ARFGAP1: variants seen among roughly 807,000 people sequenced by gnomAD.
The protein encoded by ARFGAP1 is ARF GTPase activating protein 1.
A neutral mutation model predicts 54.0 loss-of-function variants in ARFGAP1; 26 were observed. The observed-to-expected ratio is 0.48, with a 90% CI of 0.35 to 0.67. The LOEUF (loss-of-function observed/expected upper bound fraction) is 0.67, where lower values mean the gene tolerates loss of function less well. Ranked by LOEUF, ARFGAP1 falls within the 30% of genes least tolerant of loss-of-function variation. ARFGAP1 has a pLI of 0.00. For synonymous variants in ARFGAP1, 248 were observed against 211.9 expected, an observed-to-expected ratio of 1.17 and a Z score of -1.48; for missense variants, 525 against 535.8, an observed-to-expected ratio of 0.98 and a Z score of 0.20.
chr20:63,286,065 C>A (rs994528295), intron 11 of ARFGAP1: 2 of 1,549,614 alleles, frequency 1.3e-6, no homozygotes, highest in African/African-American at 1.4e-5. Context: ...TGGCATGAGG[C>A]GCTCTGCGGA....
chr20:63,275,664 C>G (rs200007336), intron 2 of ARFGAP1, 24 bp downstream of exon 2: 20 of 1,608,832 alleles, frequency 1.2e-5, no homozygotes, highest in Admixed American at 5.0e-5. Context: ...CCCCACCCCC[C>G]GCCCTAAGGC....
In ARFGAP1 at chr20:63,282,940, C is replaced by T. The variant is rs1454990021; in HGVS notation, c.717+89C>T. 5 of 1,425,508 alleles carry T rather than the reference C, an allele frequency of 3.5e-6. No individual in the cohort carries two copies. The East Asian group carries it at 1.1e-4, about 32-fold the overall frequency. 88.3% of individuals were successfully genotyped at this position (1,425,508 alleles called of 1,614,324 possible). ...GCAGCACCTGAAGCTGCCTGGTTCC[C>T]TCTTCTCAGGCCACATGCTCAGAGC... is the stretch of plus-strand genomic sequence containing the variant. On this transcript the variant is annotated intron_variant, in intron 9 of 12. Coordinates refer to ENST00000370283, the MANE Select transcript of ARFGAP1 (RefSeq NM_018209.4).
Position 63,286,404 on chromosome 20 carries a change from C to T in ARFGAP1, c.873C>T (p.Thr291=), listed in dbSNP as rs2067548418. ...GVGSKGWRDV[T]TFFSGKAEGP... ...GTAGTAAGGGATGGCGGGACGTCAC[C>T]ACCTTTTTTTCGGGGAAAGCAGAGG... The change falls in exon 12 of 13, where the codon ACC becomes ACT. Residue 291 remains threonine, a synonymous_variant. Transcript: ENST00000370283. 2.5e-6 allele frequency: 4 copies of T among 1,613,520 alleles called. No homozygotes were observed. Among genetic ancestry groups the T allele is most frequent in the Non-Finnish European group, 3.4e-6 (4 of 1,179,992 alleles).
Position 63,276,777 on chromosome 20 carries a change from C to A in ARFGAP1, c.342+126C>A. 1 of 1,143,908 alleles carries A rather than the reference C, an allele frequency of 8.7e-7. No individual in the cohort carries two copies. The highest frequency in any genetic ancestry group is 1.2e-6 in the Non-Finnish European group (1 of 829,586). The allele number at this position is 1,143,908 out of a possible 1,614,324, so 70.9% of individuals were successfully genotyped here. A position where few individuals can be genotyped will look rare whatever the true frequency, so the allele number is the denominator to read the frequency against. On this transcript the variant is annotated intron_variant, in intron 4 of 12. Coordinates refer to ENST00000370283, the MANE Select transcript of ARFGAP1 (RefSeq NM_018209.4). The surrounding 1 kb of genome is among the most constrained non-coding windows in gnomAD (Gnocchi z 5.2). ...TGCTGGTTCTGACACACCCACTGGG[C>A]CACACACAACTTGCCGCCCTGGAGC...
Position 63,286,442 on chromosome 20 carries a change from G to C in ARFGAP1, c.911G>C (p.Ser304Thr). 6.2e-7 allele frequency: 1 copy of C among 1,613,134 alleles called. No homozygotes were observed. The highest frequency in any genetic ancestry group is 8.5e-7 in the Non-Finnish European group (1 of 1,179,840). Residue 304 changes from serine (S) to threonine (T), a missense_variant and splice_region_variant, in exon 12 of 13, where the codon AGC becomes ACC. Around this residue, in one of 3 missense-constraint regions of ARFGAP1, gnomAD observed 466 missense variants for 453.6 expected, o/e 1.03. Transcript: ENST00000370283. ...GGGAAAGCAGAGGGCCCCTTGGACA[G>C]GTATGCTGTGTCCCCTCCTGGGCCT... ...FSGKAEGPLD[S>T]PSEGHSYQNS...
At chr20:63,285,380 C>T (rs1350577877) in intron 10 of ARFGAP1, 2 of 547,912 alleles carry the variant, frequency 3.7e-6, no homozygotes, top group Non-Finnish European at 6.6e-6. Context: ...GAAGACCCAC[C>T]TGGGGCAGCG....
chr20:63,274,801 A>G (rs1462617113), intron 1 of ARFGAP1, among the ~76,000 whole-genome samples: 2 of 152,160 alleles, frequency 1.3e-5, no homozygotes, highest in African/African-American at 4.8e-5. Context: ...CTGGTCCTGA[A>G]TTAGATGGGC....
chr20:63,281,592 G>A (rs2067381764), intron 8 of ARFGAP1, among the ~76,000 whole-genome samples: 1 of 152,156 alleles, frequency 6.6e-6, no homozygotes, highest in Non-Finnish European at 1.5e-5. Flanking sequence ...GCTGGCAAAG[G>A]GGTCCCGCCC....
chr20:63,285,064 C>T (rs956889580), intron 10 of ARFGAP1, 142 bp downstream of exon 10: 42 of 1,029,394 alleles, frequency 4.1e-5, no homozygotes, highest in East Asian at 1.1e-4. Context: ...CCAGCACAGG[C>T]GTCCTCCTCG....
chr20:63,283,507 G>C (rs1033660232), intron 9 of ARFGAP1: 3 of 343,734 alleles, frequency 8.7e-6, no homozygotes, highest in South Asian at 5.0e-5. Context: ...CCCTGGGCGA[G>C]GGTGTCCTTT....
chr20:63,284,103 C>T (rs1042227321), intron 9 of ARFGAP1: 7 of 1,328,904 alleles, frequency 5.3e-6, no homozygotes, highest in Non-Finnish European at 6.7e-6. Context: ...CACTGCGCTC[C>T]CCCCGGGCAA....
intron 9 of ARFGAP1, 150 bp downstream of exon 9, chr20:63,283,001 A>G: frequency 4.7e-6 from 4 of 844,218 alleles, no homozygotes; most frequent in Admixed American, 2.1e-5. Flanking sequence ...TGTTCCTGCC[A>G]TGCTGTTCCC....
intron 8 of ARFGAP1, 66 bp downstream of exon 8, chr20:63,281,413 C>G: frequency 6.6e-7 from 1 of 1,521,102 alleles, no homozygotes; most frequent in Non-Finnish European, 8.9e-7. Flanking sequence ...TGCTGCTGGC[C>G]TGGGGTTCTG....
intron 2 of ARFGAP1, 137 bp from the exon 3 acceptor site, chr20:63,275,954 A>G: frequency 1.3e-6 from 1 of 740,864 alleles, no homozygotes. Flanking sequence ...CTTTCCCCTC[A>G]CGCCTTGCCC....
Position 63,288,086 on chromosome 20 carries a change from T to G in ARFGAP1, c.*213T>G, listed in dbSNP as rs1443632051. ...GGGGCGGCTTGCTGTCCAGCCTGTG[T>G]GGGGGCCGTCCCGTCCCACACTCCC... On this transcript the variant is annotated 3_prime_UTR_variant, in exon 13 of 13. Coordinates refer to ENST00000370283, the MANE Select transcript of ARFGAP1 (RefSeq NM_018209.4). 2.2e-5 allele frequency: 14 copies of G among 630,510 alleles called. No individual in the cohort carries two copies. Among genetic ancestry groups the G allele is most frequent in the Non-Finnish European group, 3.8e-5 (14 of 364,064 alleles). 39.1% of individuals were successfully genotyped at this position (630,510 alleles called of 1,614,324 possible). A position where few individuals can be genotyped will look rare whatever the true frequency, so the allele number is the denominator to read the frequency against.
intron 9 of ARFGAP1, chr20:63,283,715 G>C: frequency 1.1e-6 from 1 of 898,664 alleles, no homozygotes; most frequent in Non-Finnish European, 1.7e-6. Flanking sequence ...GCTGCTCCAG[G>C]GTTGTGTTGC....
At position 63,288,243 on chromosome 20, in the gene ARFGAP1, G is replaced by A. The variant is rs921546210; in HGVS notation, c.*370G>A. 23 of 540,404 alleles carry A rather than the reference G, an allele frequency of 4.3e-5. No homozygotes were observed. The highest frequency in any genetic ancestry group is 6.8e-5 in the Non-Finnish European group (19 of 281,078). 33.5% of individuals were successfully genotyped at this position (540,404 alleles called of 1,614,324 possible). ...ATCTCTGGGGCCTGGGACCAGCCACGTGCCGAGCTGTCAGCGACGTGAGGT... is the reference window on the plus strand; with the variant it reads ...ATCTCTGGGGCCTGGGACCAGCCACATGCCGAGCTGTCAGCGACGTGAGGT... On this transcript the variant is annotated 3_prime_UTR_variant, in exon 13 of 13. Transcript: ENST00000370283.
At chr20:63,283,536 G>A (rs913477321) in intron 9 of ARFGAP1, 10 of 394,550 alleles carry the variant, frequency 2.5e-5, no homozygotes, top group East Asian at 8.8e-5. Context: ...GTGCCCATCC[G>A]TCACCCCCGT....
intron 6 of ARFGAP1, chr20:63,278,430 T>G (rs1463972852): frequency 1.9e-6 from 1 of 518,196 alleles, no homozygotes; most frequent in African/African-American, 2.0e-5. Flanking sequence ...TTGGGGGGTC[T>G]TAGATGTATT....
Sources: gnomAD v4.1 joint callset for allele counts (sites outside exome capture counted in the v4.1 genomes callset) on GRCh38, gnomAD v4.1.1 for gene constraint, gnomAD v4.1.1 regional missense constraint, Gnocchi (gnomAD v3.1) non-coding constraint, MANE v1.5 for transcripts, NCBI Gene and HGNC (gene_info 2026-07-23, HGNC 2026-07-21) for gene names.